CANX: variants seen among roughly 807,000 people sequenced by gnomAD.
CANX encodes the protein calnexin.
A neutral mutation model predicts 75.7 loss-of-function variants in CANX; 14 were observed. That is an observed-to-expected ratio of 0.19 (90% CI 0.12 to 0.29). The LOEUF is 0.29. Ranked by LOEUF, CANX falls within the 10% of genes least tolerant of loss-of-function variation. The pLI, the probability that CANX is intolerant of heterozygous loss-of-function variation, is 1.00. For missense variants in CANX, 567 were observed against 713.2 expected (o/e 0.79, Z 2.34); for synonymous variants, 227 against 236.9 (o/e 0.96, Z 0.38).
At position 179,726,660 on chromosome 5, in the gene CANX, T is replaced by G. The variant is rs1282650300; in HGVS notation, c.1646-20T>G. 2 of 1,560,604 alleles carry G rather than the reference T, an allele frequency of 1.3e-6. No individual in the cohort carries two copies. The highest frequency in any genetic ancestry group is 1.8e-6 in the Non-Finnish European group (2 of 1,131,692). ...CCAAAAATAATAAGGTTTTGCTCAGTTGTTTAACTTCTGTCTTAGAAGAGA... is the reference window on the plus strand; with the variant it reads ...CCAAAAATAATAAGGTTTTGCTCAGGTGTTTAACTTCTGTCTTAGAAGAGA... On this transcript the variant is annotated intron_variant, in intron 13 of 14. Coordinates refer to ENST00000247461, the MANE Select transcript of CANX (RefSeq NM_001746.4).
chr5:179,728,869 A>G lies in CANX; in HGVS notation c.*225A>G. 1 of 614,616 alleles carries G rather than the reference A, an allele frequency of 1.6e-6. No individual in the cohort carries two copies. Among genetic ancestry groups the G allele is most frequent in the Non-Finnish European group, 3.0e-6 (1 of 337,328 alleles). The allele number at this position is 614,616 out of a possible 1,614,324, so 38.1% of individuals were successfully genotyped here. A position where few individuals can be genotyped will look rare whatever the true frequency, so the allele number is the denominator to read the frequency against. ...GTTTCTGTAGAAAAGAAAACATTTA[A>G]CATAATGGTTGTGAAATGTAACATG... On this transcript the variant is annotated 3_prime_UTR_variant, in exon 15 of 15. Coordinates refer to ENST00000247461, the MANE Select transcript of CANX (RefSeq NM_001746.4).
chr5:179,692,872 C>T (rs1423289350), intron 1 of CANX, among the ~76,000 whole-genome samples: 3 of 152,066 alleles, frequency 2.0e-5, no homozygotes, highest in African/African-American at 4.8e-5. Flanking sequence ...CTAGGCTGGG[C>T]GTGGTGGCTC....
intron 4 of CANX, 104 bp downstream of exon 4, chr5:179,707,294 G>T (rs1777197849): frequency 4.0e-6 from 3 of 750,404 alleles, no homozygotes; most frequent in Non-Finnish European, 7.1e-6. Flanking sequence ...TAGGCTTTAA[G>T]ATTTTTCCAG....
intron 8 of CANX, among the ~76,000 whole-genome samples, 170 bp from the exon 9 acceptor site, chr5:179,719,498 A>G (rs1778170548): frequency 6.6e-6 from 1 of 152,182 alleles, no homozygotes; most frequent in Non-Finnish European, 1.5e-5. Flanking sequence ...GTAAAGAGTT[A>G]TTTTACTAGG....
At chr5:179,701,898 C>T (rs1006636895) in intron 1 of CANX, among the ~76,000 whole-genome samples, 5 of 151,658 alleles carry the variant, frequency 3.3e-5, no homozygotes, top group Non-Finnish European at 7.4e-5. Flanking sequence ...CACCACCACA[C>T]CCGGCCCGGT....
intron 1 of CANX, chr5:179,704,009 G>A (rs1776948335): frequency 6.6e-6 from 1 of 152,152 alleles, no homozygotes; most frequent in South Asian, 2.1e-4. Flanking sequence ...TTGTGTGTGT[G>A]TGCGCACACA....
At chr5:179,722,306 C>T (rs1035392655) in intron 10 of CANX, among the ~76,000 whole-genome samples, 2 of 152,206 alleles carry the variant, frequency 1.3e-5, no homozygotes, top group Admixed American at 6.5e-5. Flanking sequence ...TAGTTGTTCT[C>T]CTGTTGGTGG....
rs1278679571 is a variant in CANX, at chr5:179,698,994, C to G, written c.-112C>G. ...CGGTGGCCGAGGCCTCTTGGTTCTG[C>G]GGCACGTGACGGTCGGGCCGCCTCC... On this transcript the variant is annotated 5_prime_UTR_variant, in exon 1 of 15. Coordinates refer to ENST00000247461, the MANE Select transcript of CANX (RefSeq NM_001746.4). The G allele has an allele frequency of 3.6e-6, 4 of 1,122,604 alleles. No individual in the cohort carries two copies. Among genetic ancestry groups the G allele is most frequent in the Non-Finnish European group, 4.4e-6 (4 of 910,960 alleles). The allele number at this position is 1,122,604 out of a possible 1,614,324, so 69.5% of individuals were successfully genotyped here.
intron 7 of CANX, among the ~76,000 whole-genome samples, chr5:179,715,540 AAAAAT>A (rs1470325847): frequency 6.6e-6 from 1 of 152,240 alleles, no homozygotes; most frequent in Non-Finnish European, 1.5e-5. Context: ...TCTGTCTCAA[AAAAAT>A]AAAATAAAAT....
rs958473912 is a variant in CANX at position 179,689,379 on chromosome 5, GTTTTTTTTTT to G, written c.-4+10618_-4+10627del. On this transcript the variant is annotated intron_variant, in intron 1 of 14. Transcript: ENST00000681674. ...AAGAGAAAGCTACAAAACCCAACAA[GTTTTTTTTTT>G]TTTTTTTTTTTTTTTGAGACAGAGT... 3.1e-4 allele frequency among the ~76,000 whole-genome samples: 26 copies of G among 83,674 alleles called. 1 individual carries two copies. The highest frequency in any genetic ancestry group is 2.7e-3 in the South Asian group (5 of 1,866). The allele number at this position is 83,674 out of a possible 152,430, so 54.9% of individuals were successfully genotyped here.
chr5:179,683,786 G>T (rs1293525765), intron 1 of CANX, among the ~76,000 whole-genome samples: 1 of 147,592 alleles, frequency 6.8e-6, no homozygotes, highest in Non-Finnish European at 1.5e-5. Context: ...CATCTGCCTC[G>T]GCCTCCCAAA....
In CANX at chr5:179,724,830, A is replaced by G. The variant is rs530886097; in HGVS notation, c.1645+47A>G. The stretch of plus-strand genomic sequence containing the variant: ...ATCTGCTTTAAGCCAAGACCCTACG[A>G]TGTTGTTAAACCTTTACAGTCAAGT... On this transcript the variant is annotated intron_variant, in intron 13 of 14. Coordinates refer to ENST00000247461, the MANE Select transcript of CANX (RefSeq NM_001746.4). The G allele has an allele frequency of 3.2e-6, 5 of 1,560,700 alleles. No individual in the cohort carries two copies. In the East Asian group the frequency reaches 1.2e-4, roughly 38 times the overall value.
chr5:179,706,172 G>C (rs1562471921), intron 2 of CANX, 86 bp from the exon 3 acceptor site: 1 of 809,654 alleles, frequency 1.2e-6, no homozygotes, highest in Non-Finnish European at 2.0e-6. Context: ...TGTGACAGTT[G>C]AAAGCAAACC....
intron 13 of CANX, among the ~76,000 whole-genome samples, chr5:179,726,061 G>T (rs1377024389): frequency 2.0e-5 from 3 of 151,886 alleles, no homozygotes; most frequent in Non-Finnish European, 4.4e-5. Context: ...GGCCAAGGTG[G>T]GTGGATCACC....
intron 7 of CANX, 143 bp from the exon 8 acceptor site, chr5:179,715,962 C>T (rs1302856450): frequency 2.8e-6 from 2 of 714,758 alleles, no homozygotes; most frequent in South Asian, 1.5e-5. Context: ...TTCCCCAAGA[C>T]CCCAGGAGCC....
chr5:179,707,322 C>T (rs1356012668), intron 4 of CANX, 132 bp downstream of exon 4: 6 of 614,380 alleles, frequency 9.8e-6, no homozygotes, highest in South Asian at 1.7e-5. Flanking sequence ...CGGTGGCTCA[C>T]GCCTGTAATC....
upstream of CANX, among the ~76,000 whole-genome samples, chr5:179,695,068 G>C (rs1460970941): frequency 9.6e-6 from 1 of 104,002 alleles, no homozygotes; most frequent in Admixed American, 1.1e-4. Flanking sequence ...ATTTATTTTT[G>C]AGACGGAATC....
chr5:179,707,235 GAC>G, intron 4 of CANX, 45 bp downstream of exon 4: 1 of 1,033,556 alleles, frequency 9.7e-7, no homozygotes, highest in African/African-American at 1.6e-5. Context: ...ATAGAGGTTT[GAC>G]ATGTTGTCTC....
chr5:179,680,149 G>A (rs1173143607), intron 1 of CANX, among the ~76,000 whole-genome samples: 1 of 151,926 alleles, frequency 6.6e-6, no homozygotes, highest in Non-Finnish European at 1.5e-5. Context: ...ACACGAGCTT[G>A]GATAGGATTG....
Sources: gnomAD v4.1 joint callset for allele counts (sites outside exome capture counted in the v4.1 genomes callset) on GRCh38, gnomAD v4.1.1 for gene constraint, MANE v1.5 for transcripts, NCBI Gene and HGNC (gene_info 2026-07-23, HGNC 2026-07-21) for gene names.